Variants in SIPA1L1 observed in about 807,000 individuals in gnomAD.
SIPA1L1 encodes signal induced proliferation associated 1 like 1, also known as signal-induced proliferation-associated 1-like protein 1.
SIPA1L1 carries 26 observed loss-of-function variants against 162.7 expected under a neutral mutation model. The observed-to-expected ratio is 0.16, with a 90% CI of 0.12 to 0.22. SIPA1L1 has a LOEUF of 0.22. SIPA1L1 is among the 10% of genes least tolerant of loss of function. The pLI is 1.00. For missense variants in SIPA1L1, 1,874 were observed against 2,241.0 expected, an observed-to-expected ratio of 0.84 and a Z score of 3.31; for synonymous variants, 829 against 837.4, an observed-to-expected ratio of 0.99 and a Z score of 0.17.
rs2085705520 is a variant in SIPA1L1 at position 71,740,967 on chromosome 14, C to CAT, written c.*1807_*1808insTA. 1 of 152,150 alleles carries CAT rather than the reference C, an allele frequency of 6.6e-6. No individual in the cohort carries two copies. The highest frequency in any genetic ancestry group is 2.1e-4 in the South Asian group (1 of 4,828). 9.4% of individuals were successfully genotyped at this position (152,150 alleles called of 1,614,324 possible). On this transcript the variant is annotated 3_prime_UTR_variant, in exon 24 of 24. Coordinates refer to ENST00000381232, the MANE Select transcript of SIPA1L1 (RefSeq NM_001386936.1). ...CAAGCTATTTATTAGAGTTTTGCAA[C>CAT]AGAGTTCTTGTTTGAAGCCTCTAAA...
At chr14:71,577,379 A>G (rs1394120879) in intron 4 of SIPA1L1, among the ~76,000 whole-genome samples, 1 of 139,214 alleles carries the variant, frequency 7.2e-6, no homozygotes, top group African/African-American at 2.6e-5. Context: ...GTGAGCACTT[A>G]TTTTTTTTTT....
chr14:71,418,008 C>G (rs993137029), intron 2 of SIPA1L1: 4 of 152,150 alleles, frequency 2.6e-5, no homozygotes, highest in Admixed American at 2.6e-4. Context: ...GCCTAACAAA[C>G]ATTTTTATCA....
intron 2 of SIPA1L1, among the ~76,000 whole-genome samples, chr14:71,473,677 G>A (rs2047639131): frequency 1.3e-5 from 2 of 152,190 alleles, no homozygotes; most frequent in African/African-American, 4.8e-5. Flanking sequence ...GAAACAGGAA[G>A]ATCATTCTGG....
chr14:71,648,115 C>A (rs911556268), intron 7 of SIPA1L1, among the ~76,000 whole-genome samples: 2 of 152,176 alleles, frequency 1.3e-5, no homozygotes, highest in Non-Finnish European at 2.9e-5. Context: ...CATGGTGAAA[C>A]CCCATCTCTA....
In SIPA1L1 at chr14:71,656,403, G is replaced by T. The variant is rs77975134; in HGVS notation, c.1994-1930G>T. Among the ~76,000 whole-genome samples the T allele has an allele frequency of 1.3e-3, 203 of 152,184 alleles. 1 individual carries two copies. Among genetic ancestry groups the T allele is most frequent in the Middle Eastern group, 3.4e-3 (1 of 294 alleles). On this transcript the variant is annotated intron_variant, in intron 8 of 23. Coordinates refer to ENST00000381232, the MANE Select transcript of SIPA1L1 (RefSeq NM_001386936.1). ...GAAACACATGTATAAGTACACGTCAGTGGTGACACATTCACTTTAAAGTTT... is the reference window on the plus strand; with the variant it reads ...GAAACACATGTATAAGTACACGTCATTGGTGACACATTCACTTTAAAGTTT...
chr14:71,471,317 A>G (rs2047440698), intron 2 of SIPA1L1, among the ~76,000 whole-genome samples: 2 of 152,138 alleles, frequency 1.3e-5, no homozygotes, highest in Admixed American at 6.5e-5. Flanking sequence ...AAGAATACGA[A>G]AATTAGTCGG....
intron 20 of SIPA1L1, among the ~76,000 whole-genome samples, chr14:71,733,352 A>G (rs2084978926): frequency 6.6e-6 from 1 of 152,228 alleles, no homozygotes; most frequent in Non-Finnish European, 1.5e-5. Context: ...AGTAGATGCT[A>G]GTGCTGCCTA....
chr14:71,528,543 A>C (rs1043732739), intron 3 of SIPA1L1, among the ~76,000 whole-genome samples: 2 of 151,958 alleles, frequency 1.3e-5, no homozygotes, highest in Non-Finnish European at 2.9e-5. Flanking sequence ...TAGTTCAGCT[A>C]CTCGGGAGGC....
intron 2 of SIPA1L1, among the ~76,000 whole-genome samples, chr14:71,352,873 A>G: frequency 6.6e-6 from 1 of 152,226 alleles, no homozygotes; most frequent in African/African-American, 2.4e-5. Context: ...CCTGCCATTT[A>G]ACTTTAGCTG....
intron 3 of SIPA1L1, among the ~76,000 whole-genome samples, chr14:71,526,074 T>G (rs902180881): frequency 6.6e-6 from 1 of 152,212 alleles, no homozygotes; most frequent in East Asian, 1.9e-4. Context: ...GGAACTTGCT[T>G]TGTGAGGGCA....
chr14:71,694,404 T>C (rs183284696), intron 13 of SIPA1L1, among the ~76,000 whole-genome samples: 3 of 152,204 alleles, frequency 2.0e-5, no homozygotes, highest in African/African-American at 4.8e-5. Flanking sequence ...AGCTGGTGTT[T>C]AGTGTTAAGT....
chr14:71,681,228 C>G (rs1295514309), intron 12 of SIPA1L1, among the ~76,000 whole-genome samples: 1 of 151,928 alleles, frequency 6.6e-6, no homozygotes, highest in African/African-American at 2.4e-5. Flanking sequence ...CTGATTCTCA[C>G]CCCCCTGCTG....
At chr14:71,362,658 C>T (rs1277597798) in intron 2 of SIPA1L1, among the ~76,000 whole-genome samples, 1 of 152,156 alleles carries the variant, frequency 6.6e-6, no homozygotes, top group Non-Finnish European at 1.5e-5. Flanking sequence ...TCCCCCTTTT[C>T]AATCTTTGCA....
chr14:71,437,716 A>G (rs191203586), intron 2 of SIPA1L1, among the ~76,000 whole-genome samples: 40 of 152,154 alleles, frequency 2.6e-4, no homozygotes, highest in Admixed American at 1.7e-3. Context: ...TCATCATACT[A>G]CCTCTATCAC....
chr14:71,607,746 G>T (rs901240944), intron 5 of SIPA1L1, among the ~76,000 whole-genome samples: 2 of 152,234 alleles, frequency 1.3e-5, no homozygotes, highest in African/African-American at 4.8e-5. Context: ...ATTAAAAAGT[G>T]CCCAGCATGC....
chr14:71,670,615 T>C (rs2044421171), intron 10 of SIPA1L1, among the ~76,000 whole-genome samples: 1 of 152,220 alleles, frequency 6.6e-6, no homozygotes, highest in Admixed American at 6.5e-5. Context: ...TGAAATTTAA[T>C]TCATTTCTTT....
intron 2 of SIPA1L1, among the ~76,000 whole-genome samples, chr14:71,510,051 T>A (rs548285650): frequency 1.3e-5 from 2 of 152,268 alleles, no homozygotes; most frequent in South Asian, 4.1e-4. Flanking sequence ...GAAGCTCAGT[T>A]CAAAACAGTG....
At chr14:71,477,588 A>T (rs1458090444) in intron 2 of SIPA1L1, among the ~76,000 whole-genome samples, 1 of 152,204 alleles carries the variant, frequency 6.6e-6, no homozygotes, top group Non-Finnish European at 1.5e-5. Context: ...TGAGCCTCCC[A>T]AAGTGCGAGG....
intron 4 of SIPA1L1, among the ~76,000 whole-genome samples, chr14:71,569,938 G>A (rs1438962001): frequency 6.6e-6 from 1 of 152,194 alleles, no homozygotes; most frequent in Non-Finnish European, 1.5e-5. Context: ...CTCATTGGCT[G>A]AGGGGCTGAC....
Sources: allele counts gnomAD v4.1 joint callset (sites outside exome capture counted in the v4.1 genomes callset), GRCh38; gene constraint gnomAD v4.1.1; transcripts MANE v1.5; gene names NCBI Gene and HGNC (gene_info 2026-07-23, HGNC 2026-07-21).